BABAM2: variants seen among roughly 807,000 people sequenced by gnomAD.
BABAM2 encodes the protein BRISC and BRCA1-A complex member 2.
BABAM2 carries 31 observed loss-of-function variants against 54.7 expected under a neutral mutation model. That is an observed-to-expected ratio of 0.57 (90% CI 0.43 to 0.77). The LOEUF (loss-of-function observed/expected upper bound fraction) is 0.77, where lower values mean the gene tolerates loss of function less well. Ranked by LOEUF, BABAM2 falls within the 30% of genes least tolerant of loss-of-function variation. BABAM2 has a pLI of 0.00. For missense variants in BABAM2, 364 were observed against 455.8 expected (o/e 0.80, Z 1.83); for synonymous variants, 167 against 162.9 (o/e 1.03, Z -0.19).
chr2:28,277,274 T>A (rs1338124850), intron 10 of BABAM2, among the ~76,000 whole-genome samples: 1 of 151,990 alleles, frequency 6.6e-6, no homozygotes, highest in Non-Finnish European at 1.5e-5. Context: ...CCTAGCTAAT[T>A]TTTGTATTTT....
chr2:28,311,280 G>T lies in BABAM2; in HGVS notation c.1088+12789G>T, dbSNP rs182794466. On this transcript the variant is annotated intron_variant, in intron 11 of 11. Coordinates refer to ENST00000379624, the MANE Select transcript of BABAM2 (RefSeq NM_199191.3). ...TGTCTCAAAAAAAAAAAAAAAAAAA[G>T]AACAATCGAGTGTTCAAGCTTGGGT... is the stretch of plus-strand genomic sequence containing the variant. Among the ~76,000 whole-genome samples, 4 of 128,110 alleles carry T rather than the reference G, an allele frequency of 3.1e-5. No homozygotes were observed. The East Asian group carries it at 9.2e-4, about 29-fold the overall frequency. 84.0% of individuals were successfully genotyped at this position (128,110 alleles called of 152,430 possible).
chr2:28,164,553 GT>G (rs1673442047), intron 7 of BABAM2, among the ~76,000 whole-genome samples: 1 of 146,994 alleles, frequency 6.8e-6, no homozygotes, highest in Non-Finnish European at 1.5e-5. Context: ...AAACTAAACT[GT>G]TTACACTAAT....
At chr2:27,892,149 G>C (rs1451212866) in intron 1 of BABAM2, among the ~76,000 whole-genome samples, 8 of 152,184 alleles carry the variant, frequency 5.3e-5, no homozygotes, top group Admixed American at 5.2e-4. Context: ...TCCGGATTTG[G>C]ATTCTGATCC....
intron 4 of BABAM2, among the ~76,000 whole-genome samples, chr2:27,990,802 T>G (rs951021329): frequency 1.3e-5 from 2 of 152,082 alleles, no homozygotes; most frequent in Non-Finnish European, 2.9e-5. Context: ...AGAGAATATG[T>G]GTAATATATA....
At chr2:28,283,019 G>GGAACGAAAGTATTTATTA (rs150560114) in intron 10 of BABAM2, among the ~76,000 whole-genome samples, 1 of 116,920 alleles carries the variant, frequency 8.6e-6, no homozygotes, top group Non-Finnish European at 1.7e-5. Context: ...AAAAAAAAAA[G>GGAACGAAAGTATTTATTA]GAATGAAAAC....
chr2:28,320,610 C>G (rs1689949065), intron 11 of BABAM2, among the ~76,000 whole-genome samples: 1 of 152,246 alleles, frequency 6.6e-6, no homozygotes, highest in African/African-American at 2.4e-5. Context: ...CATTTAGCTG[C>G]AGCCTGCCGT....
chr2:27,936,160 T>C (rs1171434890), intron 3 of BABAM2, among the ~76,000 whole-genome samples: 5 of 152,150 alleles, frequency 3.3e-5, no homozygotes, highest in Non-Finnish European at 7.4e-5. Context: ...CCTCAGGTGA[T>C]CCACCCACCT....
intron 6 of BABAM2, among the ~76,000 whole-genome samples, chr2:28,108,515 G>A (rs1049650786): frequency 3.9e-5 from 6 of 152,146 alleles, no homozygotes; most frequent in Non-Finnish European, 8.8e-5. Flanking sequence ...ACTAACCCAA[G>A]CCAGTGATAA....
Position 28,034,981 on chromosome 2 carries a change from C to T in BABAM2, c.495+9561C>T, listed in dbSNP as rs139577369. Among the ~76,000 whole-genome samples, 960 of 152,178 alleles carry T rather than the reference C, an allele frequency of 6.3e-3. 6 individuals are homozygous for T. The highest frequency in any genetic ancestry group is 7.9e-3 in the Non-Finnish European group (535 of 68,014). ...TCCAATACAGGAGCTTCTAGTCAAA[C>T]ATGTGACTATCGAGCATTTGAAATG... On this transcript the variant is annotated intron_variant, in intron 5 of 11. Transcript: ENST00000379624.
chr2:28,028,435 A>G (rs999443414), intron 5 of BABAM2, among the ~76,000 whole-genome samples: 12 of 151,706 alleles, frequency 7.9e-5, no homozygotes, highest in South Asian at 2.1e-4. Flanking sequence ...AGAATTACAT[A>G]GGAATGTGAA....
intron 4 of BABAM2, among the ~76,000 whole-genome samples, chr2:27,991,275 C>CTT (rs1362087563): frequency 5.3e-5 from 8 of 152,184 alleles, no homozygotes; most frequent in Admixed American, 3.9e-4. Flanking sequence ...TTGAATCCAT[C>CTT]TTTTATAGTA....
intron 2 of BABAM2, among the ~76,000 whole-genome samples, chr2:27,904,086 A>G (rs1558574939): frequency 6.6e-6 from 1 of 152,176 alleles, no homozygotes; most frequent in African/African-American, 2.4e-5. Context: ...GGTAGTGTAG[A>G]CAGTTATGCT....
chr2:28,229,117 G>A (rs1356202715), intron 7 of BABAM2, among the ~76,000 whole-genome samples: 1 of 152,088 alleles, frequency 6.6e-6, no homozygotes, highest in Non-Finnish European at 1.5e-5. Context: ...CAAGGACTTG[G>A]CCAGCCCAGG....
intron 2 of BABAM2, among the ~76,000 whole-genome samples, chr2:27,911,510 G>T (rs936037193): frequency 1.3e-5 from 2 of 152,086 alleles, no homozygotes; most frequent in Non-Finnish European, 2.9e-5. Context: ...GAGAAGAAAA[G>T]ATTATAGAAA....
chr2:28,274,368 G>A (rs148975512), intron 10 of BABAM2, among the ~76,000 whole-genome samples: 1 of 152,322 alleles, frequency 6.6e-6, no homozygotes, highest in African/African-American at 2.4e-5. Context: ...ATTGTCATAT[G>A]TATTTGCTTC....
At chr2:27,961,275 T>TA (rs1268968476) in intron 3 of BABAM2, among the ~76,000 whole-genome samples, 1 of 152,204 alleles carries the variant, frequency 6.6e-6, no homozygotes, top group African/African-American at 2.4e-5. Flanking sequence ...TCCTCAAACT[T>TA]ACAATGGTTC....
rs146106569 is a variant in BABAM2, at chr2:28,298,153, C to T, written c.935-185C>T. ...ATTTGCCTCTAGATTATAAACTCCT[C>T]GAAGATGGAGAAGTCACTTTGTATT... On this transcript the variant is annotated intron_variant, in intron 10 of 11. Transcript: ENST00000379624. 6.3e-4 allele frequency among the ~76,000 whole-genome samples: 96 copies of T among 152,218 alleles called. No homozygotes were observed. In the East Asian group the frequency reaches 0.016, roughly 25 times the overall value.
chr2:28,003,653 G>A (rs1449414361), intron 4 of BABAM2, among the ~76,000 whole-genome samples: 1 of 152,156 alleles, frequency 6.6e-6, no homozygotes, highest in Admixed American at 6.5e-5. Flanking sequence ...TACAGGTATT[G>A]AAAATGAACA....
chr2:28,289,559 C>T (rs970154852), intron 10 of BABAM2, among the ~76,000 whole-genome samples: 5 of 152,110 alleles, frequency 3.3e-5, no homozygotes, highest in Admixed American at 2.0e-4. Context: ...GAGGCCAAGG[C>T]GGGCAGATCA....
Sources: allele counts gnomAD v4.1 joint callset (sites outside exome capture counted in the v4.1 genomes callset), GRCh38; gene constraint gnomAD v4.1.1; transcripts MANE v1.5; gene names NCBI Gene and HGNC (gene_info 2026-07-23, HGNC 2026-07-21).